MYO10: variants seen among roughly 807,000 people sequenced by gnomAD.
MYO10 encodes myosin X.
A neutral mutation model predicts 257.3 loss-of-function variants in MYO10; 133 were observed. The ratio of observed to expected loss-of-function variants is 0.52; its 90% CI spans 0.45 to 0.60. The LOEUF (loss-of-function observed/expected upper bound fraction) is 0.60. Ranked by LOEUF, MYO10 falls within the 20% of genes least tolerant of loss-of-function variation. The pLI, the probability that MYO10 is intolerant of heterozygous loss-of-function variation, is 0.00. For missense variants in MYO10, 2,399 were observed against 2,635.7 expected, an observed-to-expected ratio of 0.91 and a Z score of 1.97; for synonymous variants, 1,104 against 1,028.6, an observed-to-expected ratio of 1.07 and a Z score of -1.40.
At chr5:16,844,956 A>G (rs78728706) in intron 2 of MYO10, among the ~76,000 whole-genome samples, 2,695 of 87,928 alleles carry the variant, frequency 0.031, 74 homozygotes, top group African/African-American at 0.093. Context: ...ACACACACGC[A>G]CACACACACA....
intron 31 of MYO10, 87 bp from the exon 32 acceptor site, chr5:16,681,590 G>T: frequency 1.5e-6 from 2 of 1,337,248 alleles, no homozygotes; most frequent in Non-Finnish European, 1.0e-6. Flanking sequence ...CTAACACATG[G>T]GTGGGGTTTC....
chr5:16,675,120 T>C lies in MYO10; in HGVS notation c.4697A>G (p.Gln1566Arg), dbSNP rs746155942. The part of the protein sequence containing the change: ...LLKDKGYTTL[Q>R]DEAIKIFNSL... ...ATTGAATATCTTGATGGCCTCATCCTGAAGGGTGGTATAGCCTTTGTCTTT... is the reference window on the plus strand; with the variant it reads ...ATTGAATATCTTGATGGCCTCATCCCGAAGGGTGGTATAGCCTTTGTCTTT... Residue 1566 changes from glutamine (Q) to arginine (R), a missense_variant, in exon 35 of 41, where the codon CAG (glutamine) becomes CGG (arginine). Physicochemically the swap from Gln to Arg is conservative, Grantham distance 43. This residue lies in a region of MYO10 where 1,820 missense variants were observed against 1,939.4 expected (regional missense o/e 0.94). Coordinates refer to ENST00000513610, the MANE Select transcript of MYO10 (RefSeq NM_012334.3). The C allele has an allele frequency of 6.8e-6, 11 of 1,613,896 alleles. No individual in the cohort carries two copies. The highest frequency in any genetic ancestry group is 1.7e-5 in the Admixed American group (1 of 60,016).
intron 2 of MYO10, among the ~76,000 whole-genome samples, chr5:16,852,122 G>GAA (rs1433215032): frequency 8.7e-5 from 13 of 150,148 alleles, no homozygotes; most frequent in Non-Finnish European, 1.6e-4. Flanking sequence ...AGGAAGGAAG[G>GAA]GAGGGAAGGA....
Position 16,666,593 on chromosome 5 carries a change from G to T in MYO10, c.*99C>A, listed in dbSNP as rs1234881881. 22 of 991,748 alleles carry T rather than the reference G, an allele frequency of 2.2e-5. No homozygotes were observed. Among genetic ancestry groups the T allele is most frequent in the Non-Finnish European group, 2.8e-5 (19 of 680,178 alleles). The allele number at this position is 991,748 out of a possible 1,614,324, so 61.4% of individuals were successfully genotyped here. A position where few individuals can be genotyped will look rare whatever the true frequency, so the allele number is the denominator to read the frequency against. On this transcript the variant is annotated 3_prime_UTR_variant, in exon 41 of 41. Transcript: ENST00000513610. ...CAGAAGCTTCCAGAAAGCCTGGGCA[G>T]CTCTGTGTTTGTTTTGGCTGGGCAT... is the stretch of plus-strand genomic sequence containing the variant.
intron 19 of MYO10, among the ~76,000 whole-genome samples, chr5:16,711,479 C>A (rs1370540944): frequency 6.6e-6 from 1 of 152,188 alleles, no homozygotes; most frequent in Admixed American, 6.5e-5. Context: ...CTTCCTCCCT[C>A]CCCTTATGTT....
chr5:16,754,801 C>G, intron 19 of MYO10, 27 bp downstream of exon 19: 1 of 1,539,008 alleles, frequency 6.5e-7, no homozygotes. Context: ...GAGACAGATC[C>G]CAGCCTAGGA....
At chr5:16,682,645 G>A (rs890144231) in intron 30 of MYO10, among the ~76,000 whole-genome samples, 3 of 152,002 alleles carry the variant, frequency 2.0e-5, no homozygotes, top group Admixed American at 6.6e-5. Context: ...TCTATCTAAC[G>A]GCTTAAGCTA....
intron 19 of MYO10, among the ~76,000 whole-genome samples, chr5:16,747,413 T>C (rs890480928): frequency 2.0e-5 from 3 of 152,204 alleles, no homozygotes; most frequent in Non-Finnish European, 4.4e-5. Flanking sequence ...GAGCAATTTC[T>C]ACAATGTACC....
intron 19 of MYO10, among the ~76,000 whole-genome samples, chr5:16,753,552 C>G (rs1224452470): frequency 6.9e-6 from 1 of 145,380 alleles, no homozygotes; most frequent in Non-Finnish European, 1.5e-5. Flanking sequence ...CTCACTGCAA[C>G]CTCCACCTCC....
chr5:16,705,420 T>C (rs1224626146), intron 21 of MYO10, among the ~76,000 whole-genome samples: 4 of 152,206 alleles, frequency 2.6e-5, no homozygotes, highest in African/African-American at 9.6e-5. Flanking sequence ...TGTCAGGTAA[T>C]TGGCACTTTG....
At chr5:16,686,006 G>A (rs1737237514) in intron 28 of MYO10, among the ~76,000 whole-genome samples, 175 bp from the exon 29 acceptor site, 1 of 152,190 alleles carries the variant, frequency 6.6e-6, no homozygotes, top group East Asian at 1.9e-4. Flanking sequence ...GTGAGAAGAA[G>A]CAGATAAAGT....
intron 19 of MYO10, among the ~76,000 whole-genome samples, chr5:16,724,796 CATACATACAT>C (rs1296784613): frequency 1.3e-5 from 2 of 152,114 alleles, no homozygotes; most frequent in Non-Finnish European, 2.9e-5. Context: ...AATACATACA[CATACATACAT>C]ATACAAAAAA....
intron 4 of MYO10, among the ~76,000 whole-genome samples, chr5:16,785,428 T>C (rs979962594): frequency 6.6e-6 from 1 of 152,282 alleles, no homozygotes; most frequent in African/African-American, 2.4e-5. Context: ...CGACAGCTGT[T>C]GGTGGCTGAG....
chr5:16,710,902 T>A lies in MYO10; in HGVS notation c.2169+6A>T, dbSNP rs757902564. Reference sequence around the variant, plus strand: ...CGGTGGGAGTTGCTCTTTCTCCGCATCGTACCTTGGTCTTCCCCAGCTGCC... The same window carrying A: ...CGGTGGGAGTTGCTCTTTCTCCGCAACGTACCTTGGTCTTCCCCAGCTGCC... On this transcript the variant is annotated splice_donor_region_variant and intron_variant, in intron 21 of 40. Transcript: ENST00000513610. The A allele has an allele frequency of 1.9e-6, 3 of 1,612,042 alleles. No individual in the cohort carries two copies. Among genetic ancestry groups the A allele is most frequent in the South Asian group, 2.2e-5 (2 of 90,502 alleles).
chr5:16,815,257 C>T lies in MYO10; in HGVS notation c.279+2752G>A, dbSNP rs1742569578. 5.9e-6 allele frequency: 3 copies of T among 511,656 alleles called. No individual in the cohort carries two copies. In the East Asian group the frequency reaches 9.5e-5, roughly 16 times the overall value. 31.7% of individuals were successfully genotyped at this position (511,656 alleles called of 1,614,324 possible). On this transcript the variant is annotated intron_variant, in intron 3 of 40. Coordinates refer to ENST00000513610, the MANE Select transcript of MYO10 (RefSeq NM_012334.3). The stretch of plus-strand genomic sequence containing the variant: ...TCCCTTGTGTGAAATGCCTGGGACA[C>T]AAAGTGTTGTGGATTTCAATATTTT...
intron 21 of MYO10, among the ~76,000 whole-genome samples, chr5:16,706,258 C>T: frequency 1.3e-5 from 2 of 150,158 alleles, no homozygotes; most frequent in Admixed American, 1.3e-4. Context: ...TACACATATA[C>T]TCATATATAC....
At chr5:16,758,631 C>T (rs1004832766) in intron 17 of MYO10, among the ~76,000 whole-genome samples, 32 of 152,186 alleles carry the variant, frequency 2.1e-4, no homozygotes, top group African/African-American at 7.5e-4. Context: ...TCCTGGGGAA[C>T]ACTAATTACA....
chr5:16,886,101 G>C (rs887841501), intron 1 of MYO10, among the ~76,000 whole-genome samples: 27 of 152,338 alleles, frequency 1.8e-4, no homozygotes, highest in Admixed American at 7.2e-4. Context: ...ATTCTACAGA[G>C]GAAAGCTTCA....
intron 22 of MYO10, among the ~76,000 whole-genome samples, chr5:16,704,224 C>T (rs1429908281): frequency 6.6e-6 from 1 of 151,916 alleles, no homozygotes; most frequent in African/African-American, 2.4e-5. Context: ...ACTTGGGAGT[C>T]TGAGGTGAGA....
Sources: allele counts gnomAD v4.1 joint callset (sites outside exome capture counted in the v4.1 genomes callset), GRCh38; gene constraint gnomAD v4.1.1; regional missense constraint gnomAD v4.1.1; transcripts MANE v1.5; gene names NCBI Gene and HGNC (gene_info 2026-07-23, HGNC 2026-07-21).